CHCHD3: variants seen among roughly 807,000 people sequenced by gnomAD.
The protein encoded by CHCHD3 is MICOS complex subunit MIC19.
A neutral mutation model predicts 38.2 loss-of-function variants in CHCHD3; 20 were observed. The observed-to-expected ratio is 0.52, with a 90% CI of 0.37 to 0.76. The LOEUF (loss-of-function observed/expected upper bound fraction) is 0.76. Ranked by LOEUF, CHCHD3 falls within the 30% of genes least tolerant of loss-of-function variation. CHCHD3 has a pLI of 0.00. For synonymous variants in CHCHD3, 82 were observed against 100.0 expected (o/e 0.82, Z 1.07); for missense variants, 245 against 279.2 (o/e 0.88, Z 0.87).
chr7:132,810,499 A>T (rs1198979304), intron 6 of CHCHD3, among the ~76,000 whole-genome samples: 1 of 152,246 alleles, frequency 6.6e-6, no homozygotes, highest in Non-Finnish European at 1.5e-5. Context: ...AAGATTTAGC[A>T]AATTGGCTTA....
At chr7:132,941,225 A>G (rs1028751890) in intron 4 of CHCHD3, among the ~76,000 whole-genome samples, 1 of 152,182 alleles carries the variant, frequency 6.6e-6, no homozygotes, top group African/African-American at 2.4e-5. Flanking sequence ...TCTTGGATTC[A>G]TAGTTATCCT....
rs1303934933 is a variant in CHCHD3 at position 132,969,177 on chromosome 7, A to G, written c.369+5992T>C. ...TACTGTGTTTTTTTTTTTTCTAAAC[A>G]GTATAAGGTTTTACAAATTCAAAAA... On this transcript the variant is annotated intron_variant, in intron 4 of 7. Coordinates refer to ENST00000262570, the MANE Select transcript of CHCHD3 (RefSeq NM_017812.4). Among the ~76,000 whole-genome samples the G allele has an allele frequency of 1.6e-4, 24 of 149,468 alleles. No individual in the cohort carries two copies. The Admixed American group carries it at 1.6e-3, about 10-fold the overall frequency.
At chr7:132,992,169 G>A (rs941509303) in intron 3 of CHCHD3, among the ~76,000 whole-genome samples, 2 of 152,120 alleles carry the variant, frequency 1.3e-5, no homozygotes, top group Non-Finnish European at 2.9e-5. Context: ...CGCGTCACTC[G>A]GGCCTCACTG....
At chr7:132,811,145 T>C (rs1807059927) in intron 6 of CHCHD3, among the ~76,000 whole-genome samples, 3 of 152,234 alleles carry the variant, frequency 2.0e-5, no homozygotes, top group Non-Finnish European at 2.9e-5. Flanking sequence ...CCATCTTCTT[T>C]TCTATTGATA....
At chr7:132,911,885 T>C (rs1273024491) in intron 4 of CHCHD3, among the ~76,000 whole-genome samples, 1 of 152,234 alleles carries the variant, frequency 6.6e-6, no homozygotes, top group African/African-American at 2.4e-5. Context: ...TGAATACACA[T>C]GCAATGTAGG....
intron 4 of CHCHD3, among the ~76,000 whole-genome samples, chr7:132,957,041 T>C (rs1476993406): frequency 6.6e-6 from 1 of 152,128 alleles, no homozygotes; most frequent in Non-Finnish European, 1.5e-5. Flanking sequence ...CCAGCCCAAA[T>C]GTGCAGAAAG....
At chr7:133,077,223 T>G (rs985221230) in intron 1 of CHCHD3, among the ~76,000 whole-genome samples, 3 of 152,180 alleles carry the variant, frequency 2.0e-5, no homozygotes, top group African/African-American at 2.4e-5. Context: ...AGCCAAAAAC[T>G]TCATAGAATC....
At chr7:132,874,716 C>T (rs1369923889) in intron 5 of CHCHD3, among the ~76,000 whole-genome samples, 1 of 152,124 alleles carries the variant, frequency 6.6e-6, no homozygotes, top group African/African-American at 2.4e-5. Flanking sequence ...ACCCCACTAC[C>T]CATTGCTCCC....
At chr7:132,826,106 G>C (rs1807501958) in intron 6 of CHCHD3, among the ~76,000 whole-genome samples, 1 of 152,148 alleles carries the variant, frequency 6.6e-6, no homozygotes, top group South Asian at 2.1e-4. Flanking sequence ...CTATGCCAGT[G>C]GCTAGCCGGT....
chr7:133,035,700 G>A lies in CHCHD3; in HGVS notation c.170-11073C>T. On this transcript the variant is annotated intron_variant, in intron 2 of 7. Transcript: ENST00000262570. This position sits in a 1 kb window ranked among gnomAD's most constrained non-coding sequence, Gnocchi z 4.7. Reference sequence around the variant, plus strand: ...CTCATTGCTCACATAGTAGGCAATGGCGTTGCTCTCAAACACACAGAATCC... The same window carrying A: ...CTCATTGCTCACATAGTAGGCAATGACGTTGCTCTCAAACACACAGAATCC... 6.2e-7 allele frequency: 1 copy of A among 1,613,360 alleles called. No homozygotes were observed. Among genetic ancestry groups the A allele is most frequent in the Non-Finnish European group, 8.5e-7 (1 of 1,179,410 alleles).
intron 3 of CHCHD3, among the ~76,000 whole-genome samples, chr7:133,007,575 C>T (rs933429376): frequency 9.2e-5 from 14 of 152,272 alleles, no homozygotes; most frequent in African/African-American, 1.9e-4. Context: ...ATCATCACTA[C>T]GGCTGCTCAC....
At chr7:133,009,694 C>A (rs147006980) in intron 3 of CHCHD3, among the ~76,000 whole-genome samples, 1 of 152,156 alleles carries the variant, frequency 6.6e-6, no homozygotes, top group South Asian at 2.1e-4. Context: ...AAAGTATATG[C>A]TCAGAGACAC....
At chr7:133,012,781 GGAGGA>G (rs1378103353) in intron 3 of CHCHD3, among the ~76,000 whole-genome samples, 1 of 52,804 alleles carries the variant, frequency 1.9e-5, no homozygotes, top group East Asian at 5.5e-4. Context: ...AGAAAGAAAA[GGAGGA>G]GAGGGGAGGG....
intron 5 of CHCHD3, among the ~76,000 whole-genome samples, chr7:132,869,088 G>A (rs368904495): frequency 6.6e-5 from 10 of 152,280 alleles, no homozygotes; most frequent in South Asian, 6.2e-4. Context: ...ACTTCTGATG[G>A]AACATTCAAA....
At chr7:132,953,816 G>A (rs975024738) in intron 4 of CHCHD3, among the ~76,000 whole-genome samples, 6 of 152,160 alleles carry the variant, frequency 3.9e-5, no homozygotes, top group Non-Finnish European at 8.8e-5. Context: ...TCATAAGTAG[G>A]GTGACCATAC....
intron 6 of CHCHD3, among the ~76,000 whole-genome samples, chr7:132,802,086 C>A (rs1024099324): frequency 4.6e-5 from 7 of 152,196 alleles, no homozygotes; most frequent in Non-Finnish European, 8.8e-5. Context: ...AGGCCTCATA[C>A]ACCCTAAACA....
At chr7:132,948,979 T>C (rs1170712575) in intron 4 of CHCHD3, among the ~76,000 whole-genome samples, 1 of 152,174 alleles carries the variant, frequency 6.6e-6, no homozygotes, top group Non-Finnish European at 1.5e-5. Flanking sequence ...AGGAAAATAA[T>C]AGTATTTAGT....
intron 2 of CHCHD3, among the ~76,000 whole-genome samples, chr7:133,055,421 CATAATT>C (rs1814292324): frequency 7.0e-6 from 1 of 142,348 alleles, no homozygotes; most frequent in South Asian, 2.2e-4. Context: ...ATATAGTAAT[CATAATT>C]ATATTTGTTA....
chr7:133,035,389 G>T lies in CHCHD3; in HGVS notation c.170-10762C>A. 3 of 1,613,382 alleles carry T rather than the reference G, an allele frequency of 1.9e-6. No homozygotes were observed. The highest frequency in any genetic ancestry group is 2.2e-5 in the South Asian group (2 of 91,048). ...TTGCGAAAGGCCCGGCGGAAAGAAGGCTCTAGAACCTGCTTATAGAGCCAC... is the reference window on the plus strand; with the variant it reads ...TTGCGAAAGGCCCGGCGGAAAGAAGTCTCTAGAACCTGCTTATAGAGCCAC... On this transcript the variant is annotated intron_variant, in intron 2 of 7. Coordinates refer to ENST00000262570, the MANE Select transcript of CHCHD3 (RefSeq NM_017812.4). The surrounding 1 kb of genome is among the most constrained non-coding windows in gnomAD (Gnocchi z 4.7).
Sources: allele counts gnomAD v4.1 joint callset (sites outside exome capture counted in the v4.1 genomes callset), GRCh38; gene constraint gnomAD v4.1.1; non-coding constraint Gnocchi (gnomAD v3.1); transcripts MANE v1.5; gene names NCBI Gene and HGNC (gene_info 2026-07-23, HGNC 2026-07-21).